The following TOP3B variants were observed in gnomAD, a reference collection of about 807,000 sequenced individuals.
The protein encoded by TOP3B is DNA topoisomerase 3-beta-1.
A neutral mutation model predicts 93.9 loss-of-function variants in TOP3B; 45 were observed. That is an observed-to-expected ratio of 0.48 (90% CI 0.38 to 0.61). The LOEUF is 0.61. Among genes scored for constraint, TOP3B ranks in the 20% least tolerant of loss-of-function variants. The pLI, the probability that TOP3B is intolerant of heterozygous loss-of-function variation, is 0.00. For missense variants in TOP3B, 750 were observed against 1,156.1 expected, an observed-to-expected ratio of 0.65 and a Z score of 5.09; for synonymous variants, 357 against 472.6, an observed-to-expected ratio of 0.76 and a Z score of 3.17.
rs2071114728 is a variant in TOP3B, at chr22:21,960,303, C to A, written c.1654+18G>T. On this transcript the variant is annotated intron_variant, in intron 14 of 17. Coordinates refer to ENST00000357179, the MANE Select transcript of TOP3B (RefSeq NM_001282112.2). The stretch of plus-strand genomic sequence containing the variant: ...AGGGAGCCTCGGTGGGCCCTGGGGG[C>A]AGGACTGAGGAACTCACCAATCTTA... 1 of 1,613,002 alleles carries A rather than the reference C, an allele frequency of 6.2e-7. No individual in the cohort carries two copies. The highest frequency in any genetic ancestry group is 8.5e-7 in the Non-Finnish European group (1 of 1,179,808).
intron 1 of TOP3B, chr22:21,982,084 T>G (rs796877353): frequency 5.9e-5 from 9 of 152,298 alleles, no homozygotes; most frequent in African/African-American, 2.2e-4. Context: ...TAGTGTCAGG[T>G]GACCTTGGCA....
chr22:21,959,025 T>C, intron 16 of TOP3B, 107 bp downstream of exon 16: 1 of 1,498,016 alleles, frequency 6.7e-7, no homozygotes, highest in South Asian at 1.3e-5. Flanking sequence ...GTTCCATCAT[T>C]CTTTTGTGAC....
At chr22:21,969,981 G>C (rs2071568635) in intron 6 of TOP3B, 2 of 460,560 alleles carry the variant, frequency 4.3e-6, no homozygotes, top group South Asian at 8.2e-5. Context: ...TGCTGCCCAG[G>C]CTGGTCTCAA....
chr22:21,967,966 T>C, intron 7 of TOP3B: 2 of 482,852 alleles, frequency 4.1e-6, no homozygotes, highest in Non-Finnish European at 7.5e-6. Flanking sequence ...GATGTGTCCC[T>C]AAGAAGCACC....
chr22:21,962,196 G>T (rs1414260978), intron 13 of TOP3B: 2 of 1,464,386 alleles, frequency 1.4e-6, no homozygotes, highest in African/African-American at 2.8e-5. Context: ...AGTGCACGAG[G>T]GCACATCTGG....
Position 21,957,393 on chromosome 22 carries a change from G to A in TOP3B, c.2310C>T (p.Thr770=). The change falls in exon 18 of 18, where the codon ACC becomes ACT. Residue 770 remains threonine (T), a synonymous_variant. Transcript: ENST00000357179. ...GCAAGGCGGCCTCACAGACACTGCA[G>A]GTGTCGGCGGACACCCGCACGCGGT... ...NAHRVRVSAD[T]CSVCEAALLD... 6.7e-7 allele frequency: 1 copy of A among 1,499,796 alleles called. No homozygotes were observed. Among genetic ancestry groups the A allele is most frequent in the Non-Finnish European group, 9.2e-7 (1 of 1,088,982 alleles). 92.9% of individuals were successfully genotyped at this position (1,499,796 alleles called of 1,614,324 possible). A position where few individuals can be genotyped will look rare whatever the true frequency, so the allele number is the denominator to read the frequency against.
intron 3 of TOP3B, 55 bp downstream of exon 3, chr22:21,974,302 C>T: frequency 1.9e-6 from 3 of 1,574,666 alleles, no homozygotes; most frequent in Non-Finnish European, 2.6e-6. Context: ...CAACTGGACC[C>T]TGGCCAGTGC....
intron 1 of TOP3B, among the ~76,000 whole-genome samples, chr22:21,978,296 T>C (rs1194954510): frequency 6.6e-6 from 1 of 151,846 alleles, no homozygotes; most frequent in Non-Finnish European, 1.5e-5. Flanking sequence ...GGGCATGGGC[T>C]CACACCTGCC....
chr22:21,959,290 G>A (rs2071064945), intron 15 of TOP3B, 58 bp from the exon 16 acceptor site: 3 of 1,600,812 alleles, frequency 1.9e-6, no homozygotes, highest in East Asian at 2.2e-5. Context: ...AAAAGGCTCC[G>A]CAACACGTGG....
chr22:21,968,955 A>G (rs2071523482), intron 6 of TOP3B, 180 bp from the exon 7 acceptor site: 1 of 615,006 alleles, frequency 1.6e-6, no homozygotes, highest in East Asian at 2.8e-5. Flanking sequence ...TCATGTGTGT[A>G]CATGGGTGAC....
At chr22:21,960,270 G>C in intron 14 of TOP3B, 51 bp downstream of exon 14, 2 of 1,611,040 alleles carry the variant, frequency 1.2e-6, no homozygotes, top group African/African-American at 1.3e-5. Flanking sequence ...AACATCCAGG[G>C]AGAAGCCAGG....
At chr22:21,979,707 C>T (rs920876285) in intron 1 of TOP3B, among the ~76,000 whole-genome samples, 2 of 151,720 alleles carry the variant, frequency 1.3e-5, no homozygotes, top group South Asian at 4.2e-4. Flanking sequence ...TTTGGGAGGC[C>T]AAGGTGGGCA....
At chr22:21,967,766 G>T (rs9610750) in intron 7 of TOP3B, 50 bp from the exon 8 acceptor site, 1 of 1,442,324 alleles carries the variant, frequency 6.9e-7, no homozygotes, top group South Asian at 1.1e-5. Context: ...GTCTCCAGGT[G>T]AGCCCAACGC....
Position 21,964,267 on chromosome 22 carries a change from T to A in TOP3B, c.992A>T (p.Gln331Leu). The stretch of plus-strand genomic sequence containing the variant: ...TGTCCGTGGGTAGCTGATGTAGCCT[T>A]GCGTGTAGAGCCGCTCAGCCGTCTG... ...AMQTAERLYT[Q>L]GYISYPRTET... The change falls in exon 10 of 18, where the codon CAA becomes CTA. Residue 331 changes from glutamine to leucine, a missense_variant. Physicochemically the swap from Gln to Leu is moderately radical, Grantham distance 113. Coordinates refer to ENST00000357179, the MANE Select transcript of TOP3B (RefSeq NM_001282112.2). The A allele has an allele frequency of 1.2e-6, 2 of 1,614,140 alleles. No homozygotes were observed. The highest frequency in any genetic ancestry group is 2.2e-5 in the South Asian group (2 of 91,082).
At chr22:21,960,561 C>T in intron 13 of TOP3B, 112 bp from the exon 14 acceptor site, 1 of 1,456,298 alleles carries the variant, frequency 6.9e-7, no homozygotes, top group Non-Finnish European at 9.3e-7. Flanking sequence ...CTCACTGCTC[C>T]CGGTCACAGG....
Position 21,971,196 on chromosome 22 carries a change from C to T in TOP3B, c.384+681G>A. On this transcript the variant is annotated intron_variant, in intron 5 of 17. Transcript: ENST00000357179. This position sits in a 1 kb window ranked among gnomAD's most constrained non-coding sequence, Gnocchi z 4.6. ...AGTGTGATCGCATTTGCTGAGGGTG[C>T]TGTACTGCAACGCCAGGTGCCTCAG... 1 of 474,346 alleles carries T rather than the reference C, an allele frequency of 2.1e-6. No individual in the cohort carries two copies. The highest frequency in any genetic ancestry group is 3.5e-6 in the Non-Finnish European group (1 of 285,072). The allele number at this position is 474,346 out of a possible 1,614,324, so 29.4% of individuals were successfully genotyped here.
At chr22:21,977,355 C>G (rs1601866353) in intron 1 of TOP3B, 1 of 151,970 alleles carries the variant, frequency 6.6e-6, no homozygotes, top group African/African-American at 2.4e-5. Context: ...ATGGCAAAAC[C>G]CCATCTCTAA....
chr22:21,970,024 T>A lies in TOP3B; in HGVS notation c.581+186A>T. On this transcript the variant is annotated intron_variant, in intron 6 of 17. Coordinates refer to ENST00000357179, the MANE Select transcript of TOP3B (RefSeq NM_001282112.2). The surrounding 1 kb of genome is among the most constrained non-coding windows in gnomAD (Gnocchi z 4.4). ...ACCTCAAGCAATCCTCCTATCCTGG[T>A]CTCCCAAAGTGCAGGGATTACAGGT... The A allele has an allele frequency of 1.7e-6, 1 of 598,886 alleles. No individual in the cohort carries two copies. The highest frequency in any genetic ancestry group is 2.9e-6 in the Non-Finnish European group (1 of 348,376). 37.1% of individuals were successfully genotyped at this position (598,886 alleles called of 1,614,324 possible).
At chr22:21,974,644 ACT>A (rs2071786003) in intron 2 of TOP3B, 156 bp from the exon 3 acceptor site, 5 of 800,922 alleles carry the variant, frequency 6.2e-6, no homozygotes, top group Non-Finnish European at 7.7e-6. Context: ...GTAGTTGGGC[ACT>A]GAGAGGTGGG....
Sources: gnomAD v4.1 joint callset for allele counts (sites outside exome capture counted in the v4.1 genomes callset) on GRCh38, gnomAD v4.1.1 for gene constraint, Gnocchi (gnomAD v3.1) non-coding constraint, MANE v1.5 for transcripts, NCBI Gene and HGNC (gene_info 2026-07-23, HGNC 2026-07-21) for gene names.